Variants in NUP210 observed in about 807,000 individuals in gnomAD.
NUP210 encodes nuclear pore membrane glycoprotein 210.
NUP210 carries 151 observed loss-of-function variants against 196.0 expected under a neutral mutation model. The observed-to-expected ratio is 0.77, with a 90% CI of 0.67 to 0.88. The LOEUF (loss-of-function observed/expected upper bound fraction) is 0.88. NUP210 is among the 40% of genes least tolerant of loss of function. The pLI is 0.00. For synonymous variants in NUP210, 1,070 were observed against 1,052.7 expected (o/e 1.02, Z -0.32); for missense variants, 2,314 against 2,493.7 (o/e 0.93, Z 1.53).
Position 13,350,899 on chromosome 3 carries a change from C to G in NUP210, c.2835+980G>C, listed in dbSNP as rs1341802300. 6.6e-6 allele frequency among the ~76,000 whole-genome samples: 1 copy of G among 151,758 alleles called. No homozygotes were observed. On this transcript the variant is annotated intron_variant, in intron 20 of 39. Transcript: ENST00000254508. This position sits in a 1 kb window ranked among gnomAD's most constrained non-coding sequence, Gnocchi z 4.1. Reference sequence around the variant, plus strand: ...ATATTTAGTAGAGACAGGGTTTCACCGTGTTAGCCAGGATGGTCTCAATCT... The same window carrying G: ...ATATTTAGTAGAGACAGGGTTTCACGGTGTTAGCCAGGATGGTCTCAATCT...
chr3:13,414,513 C>A (rs113236937), intron 1 of NUP210, among the ~76,000 whole-genome samples: 1 of 152,234 alleles, frequency 6.6e-6, no homozygotes, highest in Admixed American at 6.5e-5. Context: ...TAACCCTGCC[C>A]ACATCTGACC....
At chr3:13,410,621 A>C (rs1361627961) in intron 1 of NUP210, among the ~76,000 whole-genome samples, 1 of 150,724 alleles carries the variant, frequency 6.6e-6, no homozygotes, top group Non-Finnish European at 1.5e-5. Flanking sequence ...CCATTTCTAA[A>C]AAAAAAAACA....
intron 5 of NUP210, among the ~76,000 whole-genome samples, chr3:13,387,645 T>C (rs1699319157): frequency 6.6e-6 from 1 of 152,170 alleles, no homozygotes; most frequent in Non-Finnish European, 1.5e-5. Flanking sequence ...CTCCAGACAC[T>C]AGGCAAACAA....
At chr3:13,393,431 A>G (rs547365816) in intron 3 of NUP210, among the ~76,000 whole-genome samples, 1 of 152,338 alleles carries the variant, frequency 6.6e-6, no homozygotes, top group South Asian at 2.1e-4. Flanking sequence ...ATGTGTGGTA[A>G]TTTCAAGGGC....
At chr3:13,406,615 T>A (rs746697360) in intron 1 of NUP210, among the ~76,000 whole-genome samples, 2 of 152,192 alleles carry the variant, frequency 1.3e-5, no homozygotes, top group Non-Finnish European at 2.9e-5. Flanking sequence ...AGCCAGCTCA[T>A]AGCCCAGTTC....
At position 13,340,243 on chromosome 3, in the gene NUP210, G is replaced by A. The variant is rs776142101; in HGVS notation, c.3284C>T (p.Thr1095Met). 239 of 1,613,282 alleles carry A rather than the reference G, an allele frequency of 1.5e-4. No individual in the cohort carries two copies. Among genetic ancestry groups the A allele is most frequent in the Non-Finnish European group, 1.9e-4 (229 of 1,180,016 alleles). Residue 1095 changes from threonine (T) to methionine (M), a missense_variant, in exon 24 of 40, where the codon ACG (threonine) becomes ATG (methionine). Physicochemically the swap from Thr to Met is moderately conservative, Grantham distance 81. Coordinates refer to ENST00000254508, the MANE Select transcript of NUP210 (RefSeq NM_024923.4). This position sits in a 1 kb window ranked among gnomAD's most constrained non-coding sequence, Gnocchi z 4.0. ...PRKVTLLIGA[T>M]MQVTSEGGPQ... The stretch of plus-strand genomic sequence containing the variant: ...TGGCCTCTTGGCTCTCACCTGCATC[G>A]TGGCCCCGATAAGCAGTGTCACCTT...
intron 6 of NUP210, among the ~76,000 whole-genome samples, chr3:13,385,976 T>G (rs1699259115): frequency 6.6e-6 from 1 of 152,214 alleles, no homozygotes; most frequent in Admixed American, 6.5e-5. Flanking sequence ...TGATTCCACG[T>G]ACATGAGGTA....
intron 37 of NUP210, 52 bp from the exon 38 acceptor site, chr3:13,319,377 T>C (rs752199196): frequency 6.3e-6 from 9 of 1,427,590 alleles, no homozygotes; most frequent in Non-Finnish European, 7.8e-6. Context: ...CACTGTGGCA[T>C]CCCATCACGT....
In NUP210 at chr3:13,319,793, A is replaced by T; in HGVS notation, c.5353T>A (p.Phe1785Ile). 6.2e-7 allele frequency: 1 copy of T among 1,614,086 alleles called. No individual in the cohort carries two copies. The highest frequency in any genetic ancestry group is 1.1e-5 in the South Asian group (1 of 91,076). Residue 1785 changes from phenylalanine to isoleucine, a missense_variant, in exon 37 of 40, where the codon TTT becomes ATT. Coordinates refer to ENST00000254508, the MANE Select transcript of NUP210 (RefSeq NM_024923.4). ...CCGGGCCCACGGCGATCCACCACAA[A>T]AGCCACTGTCACTGGGATGGCAATG... ...QAIAIPVTVA[F>I]VVDRRGPGPY...
At chr3:13,337,364 C>T (rs769596659) in intron 26 of NUP210, among the ~76,000 whole-genome samples, 39 of 152,342 alleles carry the variant, frequency 2.6e-4, no homozygotes, top group African/African-American at 7.7e-4. Context: ...GGAGGCAAGA[C>T]GGCAAAAGGC....
At chr3:13,386,930 T>TGG (rs1559340353) in intron 5 of NUP210, among the ~76,000 whole-genome samples, 4 of 152,180 alleles carry the variant, frequency 2.6e-5, no homozygotes. Context: ...AACTTCGCAA[T>TGG]GGGAGAAAGA....
intron 20 of NUP210, chr3:13,344,828 C>T (rs1388346992): frequency 1.4e-6 from 1 of 714,806 alleles, no homozygotes; most frequent in East Asian, 1.3e-4. Context: ...CGCAGCCCAC[C>T]TTAAAGACCT....
chr3:13,358,252 G>C lies in NUP210; in HGVS notation c.2298C>G (p.Ser766=), dbSNP rs752203963. The C allele has an allele frequency of 6.2e-7, 1 of 1,612,926 alleles. No homozygotes were observed. Among genetic ancestry groups the C allele is most frequent in the South Asian group, 1.1e-5 (1 of 90,968 alleles). Residue 766 remains serine (S), a synonymous_variant, in exon 16 of 40, where the codon TCC becomes TCG. Coordinates refer to ENST00000254508, the MANE Select transcript of NUP210 (RefSeq NM_024923.4). The part of the protein sequence containing the change: ...PVYTSPQLDM[S]CPLLQQNKQV... ...GCTTGTTCTGCTGCAGCAGCGGACA[G>C]GACATGTCCAGCTGGGGGCTGGTGT...
chr3:13,330,591 C>G lies in NUP210; in HGVS notation c.3979G>C (p.Glu1327Gln). 1 of 1,614,212 alleles carries G rather than the reference C, an allele frequency of 6.2e-7. No individual in the cohort carries two copies. ...SLSYRVLDGPEKVPVVHVDEK... is the reference protein window; with the variant it reads ...SLSYRVLDGPQKVPVVHVDEK... Reference sequence around the variant, plus strand: ...TCAACATGCACAACTGGAACCTTTTCGGGTCCATCCAGGACGCGGTAGCTC... The same window carrying G: ...TCAACATGCACAACTGGAACCTTTTGGGGTCCATCCAGGACGCGGTAGCTC... The change falls in exon 30 of 40, where the codon GAA (glutamate) becomes CAA (glutamine). Residue 1327 changes from glutamate to glutamine, a missense_variant. Glu to Gln is a conservative substitution (Grantham distance 29). Transcript: ENST00000254508.
At chr3:13,333,503 C>G (rs1022822253) in intron 28 of NUP210, among the ~76,000 whole-genome samples, 3 of 152,224 alleles carry the variant, frequency 2.0e-5, no homozygotes, top group African/African-American at 7.2e-5. Flanking sequence ...CCTCCCAGCT[C>G]CTCTGTGCTC....
chr3:13,389,986 G>A (rs1008747247), intron 4 of NUP210, among the ~76,000 whole-genome samples: 4 of 152,166 alleles, frequency 2.6e-5, no homozygotes, highest in South Asian at 2.1e-4. Flanking sequence ...GTCAAAGCCC[G>A]GGAGACAGTC....
In NUP210 at chr3:13,319,815, A is replaced by C. The variant is rs1696437773; in HGVS notation, c.5331T>G (p.Ile1777Met). The C allele has an allele frequency of 1.2e-6, 2 of 1,614,186 alleles. No homozygotes were observed. The highest frequency in any genetic ancestry group is 4.5e-5 in the East Asian group (2 of 44,878). The change falls in exon 37 of 40, where the codon ATT becomes ATG. Residue 1777 changes from isoleucine to methionine, a missense_variant. Transcript: ENST00000254508. ...TFSSPVTNQA[I>M]AIPVTVAFVV... is the part of the protein sequence containing the mutation. Reference sequence around the variant, plus strand: ...CAAAAGCCACTGTCACTGGGATGGCAATGGCTTGGTTGGTCACGGGGCTGG... The same window carrying C: ...CAAAAGCCACTGTCACTGGGATGGCCATGGCTTGGTTGGTCACGGGGCTGG...
chr3:13,375,786 C>G, intron 10 of NUP210, 145 bp from the exon 11 acceptor site: 1 of 801,374 alleles, frequency 1.2e-6, no homozygotes, highest in Non-Finnish European at 2.0e-6. Flanking sequence ...GCCAGACACC[C>G]TGCTGCCCTC....
In NUP210 at chr3:13,342,066, G is replaced by A. The variant is rs776839486; in HGVS notation, c.3022C>T (p.Pro1008Ser). The A allele has an allele frequency of 8.1e-6, 13 of 1,614,076 alleles. No homozygotes were observed. The highest frequency in any genetic ancestry group is 1.1e-5 in the Non-Finnish European group (13 of 1,180,030). Reference protein sequence around the residue: ...YVRVLDLHKKPFLAKYFPFMD... With the variant: ...YVRVLDLHKKSFLAKYFPFMD... ...AAGGGGAAGTATTTGGCAAGGAAGG[G>A]CTTCTTGTGCAAGTCCAGCACGCGG... The change falls in exon 22 of 40, where the codon CCC becomes TCC. Residue 1008 changes from proline to serine, a missense_variant. Physicochemically the swap from Pro to Ser is moderately conservative, Grantham distance 74 (BLOSUM62 -1). Coordinates refer to ENST00000254508, the MANE Select transcript of NUP210 (RefSeq NM_024923.4).
Sources: allele counts gnomAD v4.1 joint callset (sites outside exome capture counted in the v4.1 genomes callset), GRCh38; gene constraint gnomAD v4.1.1; non-coding constraint Gnocchi (gnomAD v3.1); transcripts MANE v1.5; gene names NCBI Gene and HGNC (gene_info 2026-07-23, HGNC 2026-07-21).